Variants in PRKN observed in about 807,000 individuals in gnomAD.
PRKN encodes the protein E3 ubiquitin-protein ligase parkin.
Under a neutral mutation model 59.5 loss-of-function variants are expected in PRKN, and 56 were observed. The observed-to-expected ratio is 0.94, with a 90% confidence interval of 0.76 to 1.18. PRKN has a LOEUF of 1.18. Ranked by LOEUF, PRKN falls within the 50% of genes most tolerant of loss-of-function variation. The pLI is 0.00. For synonymous variants in PRKN, 250 were observed against 222.1 expected (o/e 1.13, Z -1.12); for missense variants, 657 against 596.4 (o/e 1.10, Z -1.06).
intron 1 of PRKN, among the ~76,000 whole-genome samples, chr6:162,684,453 A>G (rs760048489): frequency 1.2e-4 from 19 of 152,156 alleles, no homozygotes; most frequent in Non-Finnish European, 2.2e-4. Flanking sequence ...TTTTATCACC[A>G]CAGCAATTAA....
intron 4 of PRKN, among the ~76,000 whole-genome samples, chr6:162,115,742 G>T (rs1342632193): frequency 6.6e-6 from 1 of 152,052 alleles, no homozygotes; most frequent in African/African-American, 2.4e-5. Context: ...GGTCAAGATG[G>T]CTTCTGGAGA....
chr6:162,493,382 G>T (rs1792908783), intron 1 of PRKN, among the ~76,000 whole-genome samples: 1 of 152,140 alleles, frequency 6.6e-6, no homozygotes, highest in African/African-American at 2.4e-5. Flanking sequence ...CTTTTCAGAT[G>T]CGGTTGGTTA....
chr6:161,823,756 G>C (rs1792131147), intron 6 of PRKN, among the ~76,000 whole-genome samples: 1 of 152,140 alleles, frequency 6.6e-6, no homozygotes, highest in Non-Finnish European at 1.5e-5. Context: ...CGTGCACTGA[G>C]GAAGGTTTTT....
intron 4 of PRKN, among the ~76,000 whole-genome samples, chr6:162,137,890 G>C (rs1214066807): frequency 1.3e-5 from 2 of 152,142 alleles, no homozygotes; most frequent in Non-Finnish European, 2.9e-5. Context: ...AACCATAGTG[G>C]ATATATAGAA....
At chr6:161,979,337 A>T (rs1056806458) in intron 5 of PRKN, among the ~76,000 whole-genome samples, 1 of 152,246 alleles carries the variant, frequency 6.6e-6, no homozygotes, top group Non-Finnish European at 1.5e-5. Flanking sequence ...CAGTGGCACG[A>T]TCTTGGCTTA....
intron 6 of PRKN, among the ~76,000 whole-genome samples, chr6:161,880,622 C>T (rs1488469483): frequency 1.3e-5 from 2 of 152,180 alleles, no homozygotes; most frequent in Admixed American, 1.3e-4. Flanking sequence ...GGAGGTTTGG[C>T]TGCTCCTGGC....
intron 1 of PRKN, chr6:162,727,227 C>T (rs969423912): frequency 4.6e-5 from 8 of 175,574 alleles, no homozygotes; most frequent in Non-Finnish European, 9.5e-5. Flanking sequence ...GAAAGAGCCC[C>T]ACAGAGAGTG....
rs1006425598 is a variant in PRKN at position 161,526,887 on chromosome 6, A to C, written c.1083+21967T>G. 6.6e-6 allele frequency among the ~76,000 whole-genome samples: 1 copy of C among 152,204 alleles called. No individual in the cohort carries two copies. Among genetic ancestry groups the C allele is most frequent in the African/African-American group, 2.4e-5 (1 of 41,440 alleles). On this transcript the variant is annotated intron_variant, in intron 9 of 11. Coordinates refer to ENST00000366898, the MANE Select transcript of PRKN (RefSeq NM_004562.3). The surrounding 1 kb of genome is among the most constrained non-coding windows in gnomAD (Gnocchi z 4.1). ...GGTAGGTAATTGGAGTTTATATAGA[A>C]TCCCTGGGCTACAGAAAGGAATAGA...
At chr6:161,850,003 C>T (rs997791956) in intron 6 of PRKN, among the ~76,000 whole-genome samples, 5 of 152,028 alleles carry the variant, frequency 3.3e-5, no homozygotes, top group African/African-American at 1.2e-4. Flanking sequence ...AGTAAGCAGC[C>T]AATATACATT....
intron 1 of PRKN, among the ~76,000 whole-genome samples, chr6:162,694,178 C>T (rs57355003): frequency 0.017 from 2,233 of 127,720 alleles, 62 homozygotes; most frequent in African/African-American, 0.062. Flanking sequence ...ATCTGGGAGG[C>T]GGAGCTTGCA....
chr6:161,809,785 G>A (rs1041419955), intron 6 of PRKN, among the ~76,000 whole-genome samples: 2 of 152,132 alleles, frequency 1.3e-5, no homozygotes, highest in Non-Finnish European at 2.9e-5. Context: ...TCAACAGAAT[G>A]TAAGAATGTA....
chr6:161,550,184 A>C lies in PRKN; in HGVS notation c.934-1181T>G, dbSNP rs1221796745. 2.0e-5 allele frequency among the ~76,000 whole-genome samples: 3 copies of C among 152,170 alleles called. No individual in the cohort carries two copies. The highest frequency in any genetic ancestry group is 4.4e-5 in the Non-Finnish European group (3 of 68,020). ...TGTGGTTGGCTGTTCAGGGTACAAC[A>C]AGGGGGGCAGTGGGGCGGAGGCAGA... On this transcript the variant is annotated intron_variant, in intron 8 of 11. Transcript: ENST00000366898. The surrounding 1 kb of genome is among the most constrained non-coding windows in gnomAD (Gnocchi z 4.0).
intron 6 of PRKN, among the ~76,000 whole-genome samples, chr6:161,906,122 T>C (rs1186660792): frequency 6.6e-6 from 1 of 152,164 alleles, no homozygotes; most frequent in Non-Finnish European, 1.5e-5. Flanking sequence ...TATGGGCCAG[T>C]ATGCTCAGCC....
intron 5 of PRKN, among the ~76,000 whole-genome samples, chr6:161,986,682 C>T (rs1469992325): frequency 2.6e-5 from 4 of 152,020 alleles, no homozygotes; most frequent in Non-Finnish European, 4.4e-5. Flanking sequence ...ACGAGAGCTT[C>T]TGTCACCTAC....
At chr6:162,314,139 C>A (rs1249859893) in intron 2 of PRKN, among the ~76,000 whole-genome samples, 1 of 152,070 alleles carries the variant, frequency 6.6e-6, no homozygotes, top group African/African-American at 2.4e-5. Context: ...AGTTCCCATG[C>A]AGAATTAATC....
Position 161,462,303 on chromosome 6 carries a change from T to C in PRKN, c.1084-75426A>G, listed in dbSNP as rs1328290877. ...CAGCATGCTTTTATTCTGAATCACC[T>C]GAACTTCCAGCTATCTGTGGTTTAT... On this transcript the variant is annotated intron_variant, in intron 9 of 11. Transcript: ENST00000366898. The surrounding 1 kb of genome is among the most constrained non-coding windows in gnomAD (Gnocchi z 4.5). Among the ~76,000 whole-genome samples the C allele has an allele frequency of 6.6e-6, 1 of 152,244 alleles. No individual in the cohort carries two copies. Among genetic ancestry groups the C allele is most frequent in the Non-Finnish European group, 1.5e-5 (1 of 68,040 alleles).
At chr6:162,306,299 T>G (rs1369686658) in intron 2 of PRKN, among the ~76,000 whole-genome samples, 2 of 152,168 alleles carry the variant, frequency 1.3e-5, no homozygotes, top group African/African-American at 4.8e-5. Flanking sequence ...TCTAAGGGGC[T>G]GCAGGGCTGG....
intron 2 of PRKN, among the ~76,000 whole-genome samples, chr6:162,275,655 G>A (rs945390030): frequency 2.6e-5 from 4 of 152,024 alleles, no homozygotes; most frequent in South Asian, 2.1e-4. Context: ...CGTGGTGGCG[G>A]ATGCCTGCAA....
intron 7 of PRKN, among the ~76,000 whole-genome samples, chr6:161,777,876 G>A (rs539962423): frequency 1.8e-3 from 249 of 136,774 alleles, no homozygotes; most frequent in African/African-American, 4.5e-3. Context: ...ATATGTATAC[G>A]TATATATGTA....
Sources: gnomAD v4.1 joint callset for allele counts (sites outside exome capture counted in the v4.1 genomes callset) on GRCh38, gnomAD v4.1.1 for gene constraint, Gnocchi (gnomAD v3.1) non-coding constraint, MANE v1.5 for transcripts, NCBI Gene and HGNC (gene_info 2026-07-23, HGNC 2026-07-21) for gene names.